The following DPP6 variants were observed in gnomAD, a reference collection of about 807,000 sequenced individuals.
DPP6 encodes the protein A-type potassium channel modulatory protein DPP6.
In DPP6, 69 loss-of-function variants were observed where a neutral mutation model predicts 122.6. The observed-to-expected ratio is 0.56, with a 90% confidence interval of 0.46 to 0.69. DPP6 has a LOEUF of 0.69. Ranked by LOEUF, DPP6 falls within the 30% of genes least tolerant of loss-of-function variation. DPP6 has a pLI of 0.00. For missense variants in DPP6, 928 were observed against 1,116.9 expected (o/e 0.83, Z 2.41); for synonymous variants, 418 against 433.1 (o/e 0.97, Z 0.43).
chr7:153,798,000 C>T, the DPP6 span, among the ~76,000 whole-genome samples: 1 of 152,134 alleles, frequency 6.6e-6, no homozygotes, highest in African/African-American at 2.4e-5. Flanking sequence ...CGTCACCATG[C>T]CCAGCTAATT....
rs182451755 is a variant in DPP6 at position 154,182,663 on chromosome 7, A to C, written c.243+129600A>C. 8.5e-5 allele frequency among the ~76,000 whole-genome samples: 13 copies of C among 152,152 alleles called. No homozygotes were observed. In the East Asian group the frequency reaches 1.6e-3, roughly 18 times the overall value. ...AAGCCAGCAGCCTTTCCGGAGGTGA[A>C]GTATCCTCCGTCTTCATGACTAGGA... is the stretch of plus-strand genomic sequence containing the variant. On this transcript the variant is annotated intron_variant, in intron 1 of 25. Transcript: ENST00000377770.
intron 1 of DPP6, among the ~76,000 whole-genome samples, chr7:154,445,036 AT>A (rs1374697883): frequency 2.0e-5 from 3 of 152,388 alleles, no homozygotes; most frequent in African/African-American, 7.2e-5. Context: ...TTAATAACAA[AT>A]ATAGCCAATA....
chr7:153,818,666 G>C, the DPP6 span, among the ~76,000 whole-genome samples: 1 of 151,490 alleles, frequency 6.6e-6, no homozygotes, highest in African/African-American at 2.4e-5. Flanking sequence ...AAATAAGTGG[G>C]CATAATAAAC....
At chr7:154,214,760 A>T (rs1453570711) in intron 1 of DPP6, among the ~76,000 whole-genome samples, 1 of 152,144 alleles carries the variant, frequency 6.6e-6, no homozygotes, top group Non-Finnish European at 1.5e-5. Flanking sequence ...TACCAAAAGT[A>T]GAAAGAAATT....
chr7:154,520,120 G>A (rs1826851607), intron 3 of DPP6, among the ~76,000 whole-genome samples: 1 of 152,122 alleles, frequency 6.6e-6, no homozygotes, highest in Non-Finnish European at 1.5e-5. Flanking sequence ...GAGTATGATT[G>A]TATTTCTTTA....
At chr7:154,672,340 T>A (rs990685440) in intron 7 of DPP6, among the ~76,000 whole-genome samples, 1 of 152,218 alleles carries the variant, frequency 6.6e-6, no homozygotes, top group African/African-American at 2.4e-5. Flanking sequence ...ACAGGTACCC[T>A]GAGTCCACAC....
At chr7:154,280,774 T>G (rs1804451372) in intron 1 of DPP6, among the ~76,000 whole-genome samples, 1 of 152,142 alleles carries the variant, frequency 6.6e-6, no homozygotes, top group African/African-American at 2.4e-5. Context: ...AGAATCAACC[T>G]TAATAGATCA....
chr7:153,860,240 A>T, the DPP6 span, among the ~76,000 whole-genome samples: 1 of 152,150 alleles, frequency 6.6e-6, no homozygotes, highest in Non-Finnish European at 1.5e-5. Context: ...AAGTACTTTG[A>T]CACCTAGGGG....
chr7:153,975,346 C>T (rs1270071416), intron 1 of DPP6, among the ~76,000 whole-genome samples: 1 of 150,250 alleles, frequency 6.7e-6, no homozygotes, highest in East Asian at 2.0e-4. Context: ...CCACCCACCC[C>T]CACAGAGTAC....
intron 4 of DPP6, among the ~76,000 whole-genome samples, chr7:154,558,138 C>A (rs1314054345): frequency 6.6e-6 from 1 of 151,932 alleles, no homozygotes; most frequent in Non-Finnish European, 1.5e-5. Context: ...ATGATGTTCC[C>A]CTCCCTGTGT....
chr7:154,661,855 A>C lies in DPP6; in HGVS notation c.681-7505A>C, dbSNP rs200519415. The stretch of plus-strand genomic sequence containing the variant: ...GGTGAATCACCATGGCATATTGGCC[A>C]TAGTGTTCATATAGTCATGGTGAAT... On this transcript the variant is annotated intron_variant, in intron 6 of 25. Transcript: ENST00000377770. 8.0e-3 allele frequency among the ~76,000 whole-genome samples: 687 copies of C among 85,852 alleles called. 26 individuals are homozygous for C. The highest frequency in any genetic ancestry group is 0.012 in the Admixed American group (103 of 8,902). The allele number at this position is 85,852 out of a possible 152,430, so 56.3% of individuals were successfully genotyped here.
chr7:153,964,215 C>T (rs1288717647), intron 1 of DPP6, among the ~76,000 whole-genome samples: 3 of 152,058 alleles, frequency 2.0e-5, no homozygotes, highest in African/African-American at 7.3e-5. Flanking sequence ...AAGCTGATCT[C>T]GAACTCCTGA....
chr7:154,262,099 A>G (rs1803062581), intron 1 of DPP6, among the ~76,000 whole-genome samples: 1 of 152,110 alleles, frequency 6.6e-6, no homozygotes, highest in Admixed American at 6.6e-5. Flanking sequence ...AGGGTGCACT[A>G]ATAGACTGCT....
At chr7:153,767,371 TTTGTTG>T in the DPP6 span, among the ~76,000 whole-genome samples, 2 of 151,846 alleles carry the variant, frequency 1.3e-5, no homozygotes, top group Admixed American at 6.6e-5. Flanking sequence ...TGAGAAACTT[TTTGTTG>T]TTGTTGTTGT....
chr7:153,749,663 A>G, the DPP6 span, among the ~76,000 whole-genome samples: 6 of 152,146 alleles, frequency 3.9e-5, no homozygotes, highest in African/African-American at 1.4e-4. This position sits in a 1 kb window ranked among gnomAD's most constrained non-coding sequence, Gnocchi z 4.1. Flanking sequence ...CCAGATCGCC[A>G]GCGAGGTTCC....
intron 10 of DPP6, among the ~76,000 whole-genome samples, chr7:154,785,119 G>T (rs1797263095): frequency 1.3e-5 from 2 of 152,088 alleles, no homozygotes; most frequent in East Asian, 1.9e-4. Context: ...GACACCGTGG[G>T]TTTATTTATT....
At chr7:154,427,684 T>C (rs1818025647) in intron 1 of DPP6, among the ~76,000 whole-genome samples, 1 of 152,238 alleles carries the variant, frequency 6.6e-6, no homozygotes, top group Non-Finnish European at 1.5e-5. Flanking sequence ...TTGTTTCTTC[T>C]GGGTGATTCA....
chr7:153,871,977 A>G, the DPP6 span, among the ~76,000 whole-genome samples: 2 of 152,270 alleles, frequency 1.3e-5, no homozygotes, highest in Admixed American at 6.5e-5. Flanking sequence ...CATCGTCACA[A>G]TTTTTACGCT....
In DPP6 at chr7:154,062,771, C is replaced by A. The variant is rs1487778442; in HGVS notation, c.243+9708C>A. On this transcript the variant is annotated intron_variant, in intron 1 of 25. Transcript: ENST00000377770. Reference sequence around the variant, plus strand: ...CGCGAGGCAGGGACTGAGAGCCAACCCCTGGTTCCCCCACTGGCTCTTAGG... The same window carrying A: ...CGCGAGGCAGGGACTGAGAGCCAACACCTGGTTCCCCCACTGGCTCTTAGG... Among the ~76,000 whole-genome samples the A allele has an allele frequency of 1.1e-4, 10 of 90,528 alleles. 2 individuals carry two copies. Among genetic ancestry groups the A allele is most frequent in the Non-Finnish European group, 2.2e-4 (10 of 45,816 alleles). The allele number at this position is 90,528 out of a possible 152,430, so 59.4% of individuals were successfully genotyped here.
Sources: allele counts gnomAD v4.1 joint callset (sites outside exome capture counted in the v4.1 genomes callset), GRCh38; gene constraint gnomAD v4.1.1; non-coding constraint Gnocchi (gnomAD v3.1); transcripts MANE v1.5; gene names NCBI Gene and HGNC (gene_info 2026-07-23, HGNC 2026-07-21).